Variants in C2orf68 observed in about 807,000 individuals in gnomAD.
The protein encoded by C2orf68 is UPF0561 protein C2orf68.
Under a neutral mutation model 19.1 loss-of-function variants are expected in C2orf68, and 15 were observed. That is an observed-to-expected ratio of 0.79 (90% CI 0.53 to 1.21). C2orf68 has a LOEUF of 1.21. Among genes scored for constraint, C2orf68 ranks in the 50% most tolerant of loss-of-function variants. The probability of loss-of-function intolerance (pLI) is 0.00; values close to 1 mark genes in which losing one functional copy is unlikely to be tolerated. For missense variants in C2orf68, 242 were observed against 226.6 expected (o/e 1.07, Z -0.44); for synonymous variants, 98 against 91.0 (o/e 1.08, Z -0.44).
At chr2:85,609,685 A>G in intron 2 of C2orf68, 99 bp from the exon 3 acceptor site, 2 of 1,470,002 alleles carry the variant, frequency 1.4e-6, no homozygotes, top group Non-Finnish European at 1.8e-6. Flanking sequence ...GGAAAGCCCC[A>G]GTCTTCTTTT....
Position 85,608,957 on chromosome 2 carries a change from C to T in C2orf68, c.489G>A (p.Gln163=), listed in dbSNP as rs1230014965. 7 of 1,614,238 alleles carry T rather than the reference C, an allele frequency of 4.3e-6. No homozygotes were observed. The highest frequency in any genetic ancestry group is 4.2e-6 in the Non-Finnish European group (5 of 1,180,050). ...LRIQEEIAKR[Q]SQH ...GCCTTCAACATGGTCAGTGTTGGCT[C>T]TGGCGCTTTGCAATCTCCTCCTGGA... Residue 163 remains glutamine, a synonymous_variant, in exon 4 of 4, where the codon CAG becomes CAA. Coordinates refer to ENST00000306336, the MANE Select transcript of C2orf68 (RefSeq NM_001013649.4).
In C2orf68 at chr2:85,609,495, C is replaced by G. The variant is rs1011715520; in HGVS notation, c.318G>C (p.Gln106His). 2 of 1,614,074 alleles carry G rather than the reference C, an allele frequency of 1.2e-6. No individual in the cohort carries two copies. The highest frequency in any genetic ancestry group is 1.7e-6 in the Non-Finnish European group (2 of 1,180,046). The change falls in exon 3 of 4, where the codon CAG becomes CAC. Residue 106 changes from glutamine to histidine, a missense_variant. Transcript: ENST00000306336. ...CTGCCTCGTATTCTAAGCAGAAGAGCTGATGGCCAGAAGGCTCCAGCTCAG... is the reference window on the plus strand; with the variant it reads ...CTGCCTCGTATTCTAAGCAGAAGAGGTGATGGCCAGAAGGCTCCAGCTCAG... Reference protein sequence around the residue: ...GGSELEPSGHQLFCLEYEADS... With the variant: ...GGSELEPSGHHLFCLEYEADS...
intron 2 of C2orf68, chr2:85,610,696 A>C (rs1309528743): frequency 6.6e-6 from 1 of 151,592 alleles, no homozygotes; most frequent in African/African-American, 2.4e-5. Context: ...ATGCGGGCAG[A>C]TCACCTGAGC....
chr2:85,611,081 A>T (rs542206514), intron 2 of C2orf68: 1 of 232,976 alleles, frequency 4.3e-6, no homozygotes, highest in African/African-American at 2.4e-5. Context: ...TCTCTACAAG[A>T]AATACCAAAA....
intron 2 of C2orf68, chr2:85,611,278 G>T (rs564212875): frequency 2.8e-6 from 4 of 1,411,256 alleles, no homozygotes; most frequent in African/African-American, 2.9e-5. Flanking sequence ...TAACCAGTGT[G>T]ATCTCTAGGT....
In C2orf68 at chr2:85,609,621, G is replaced by T. The variant is rs536341650; in HGVS notation, c.227-35C>A. The T allele has an allele frequency of 2.5e-6, 4 of 1,612,658 alleles. No homozygotes were observed. In the South Asian group the frequency reaches 3.3e-5, roughly 13 times the overall value. The stretch of plus-strand genomic sequence containing the variant: ...TGAACCACAGTAAGAAAGAAGAGGG[G>T]GGGTGCTGCTGAAGGCCCTGTCCAT... On this transcript the variant is annotated intron_variant, in intron 2 of 3. Coordinates refer to ENST00000306336, the MANE Select transcript of C2orf68 (RefSeq NM_001013649.4).
intron 2 of C2orf68, 67 bp from the exon 3 acceptor site, chr2:85,609,653 G>A (rs1247398380): frequency 1.3e-6 from 2 of 1,573,586 alleles, no homozygotes; most frequent in Non-Finnish European, 1.7e-6. Flanking sequence ...CCATAGAGAT[G>A]CTGCAGGAAA....
chr2:85,608,953 G>A lies in C2orf68; in HGVS notation c.493C>T (p.Gln165Ter). Residue 165 changes from glutamine to a stop codon, truncating the protein, a stop_gained, in exon 4 of 4, where the codon CAA becomes TAA. Coordinates refer to ENST00000306336, the MANE Select transcript of C2orf68 (RefSeq NM_001013649.4). LOFTEE classifies it high-confidence loss of function. Reference protein sequence around the residue: ...IQEEIAKRQSQH With the variant: ...IQEEIAKRQS ...GAACGCCTTCAACATGGTCAGTGTT[G>A]GCTCTGGCGCTTTGCAATCTCCTCC... The A allele has an allele frequency of 6.2e-7, 1 of 1,614,200 alleles. No individual in the cohort carries two copies. Among genetic ancestry groups the A allele is most frequent in the Non-Finnish European group, 8.5e-7 (1 of 1,180,028 alleles).
rs371396406 is a variant in C2orf68 at position 85,609,572 on chromosome 2, G to C, written c.241C>G (p.Pro81Ala). 2 of 1,614,180 alleles carry C rather than the reference G, an allele frequency of 1.2e-6. No homozygotes were observed. The highest frequency in any genetic ancestry group is 1.7e-6 in the Non-Finnish European group (2 of 1,180,026). Residue 81 changes from proline to alanine, a missense_variant, in exon 3 of 4, where the codon CCA becomes GCA. Physicochemically the swap from Pro to Ala is conservative, Grantham distance 27. Transcript: ENST00000306336. ...LPRHRDVSAH[P>A]RNPDYEESGE... Reference sequence around the variant, plus strand: ...GACTCTTCATAGTCTGGGTTGCGTGGGTGGGCAGAGACATCTGGAAGGATG... The same window carrying C: ...GACTCTTCATAGTCTGGGTTGCGTGCGTGGGCAGAGACATCTGGAAGGATG...
rs1454340700 is a variant in C2orf68, at chr2:85,607,684, G to A, written c.*1261C>T. 1 of 152,202 alleles carries A rather than the reference G, an allele frequency of 6.6e-6. No individual in the cohort carries two copies. Among genetic ancestry groups the A allele is most frequent in the Non-Finnish European group, 1.5e-5 (1 of 68,048 alleles). 9.4% of individuals were successfully genotyped at this position (152,202 alleles called of 1,614,324 possible). ...TCAGGTGTCTTAACACCCGGATGTG[G>A]AGAAACCCCTGGGGCAAGGGCCTAT... On this transcript the variant is annotated 3_prime_UTR_variant, in exon 4 of 4. Coordinates refer to ENST00000306336, the MANE Select transcript of C2orf68 (RefSeq NM_001013649.4).
intron 3 of C2orf68, 67 bp downstream of exon 3, chr2:85,609,368 A>G: frequency 1.3e-6 from 2 of 1,571,648 alleles, no homozygotes; most frequent in Non-Finnish European, 1.7e-6. Context: ...AACAGGGCTC[A>G]GGGTCTGACA....
chr2:85,611,559 C>G (rs1426855284), intron 2 of C2orf68, 109 bp downstream of exon 2: 3 of 1,550,916 alleles, frequency 1.9e-6, no homozygotes, highest in African/African-American at 2.7e-5. Context: ...CGGAAAGAGA[C>G]GAGATGAGCT....
chr2:85,611,996 G>C lies in C2orf68; in HGVS notation c.-12C>G. The stretch of plus-strand genomic sequence containing the variant: ...GGCCCCGCCTCCATCAGGAGCCGGG[G>C]ACGCAGAGTCGCCGCCGCCTCGACG... On this transcript the variant is annotated 5_prime_UTR_variant, in exon 1 of 4. Coordinates refer to ENST00000306336, the MANE Select transcript of C2orf68 (RefSeq NM_001013649.4). The C allele has an allele frequency of 6.6e-7, 1 of 1,513,358 alleles. No homozygotes were observed. The highest frequency in any genetic ancestry group is 8.8e-7 in the Non-Finnish European group (1 of 1,141,080). 93.7% of individuals were successfully genotyped at this position (1,513,358 alleles called of 1,614,324 possible).
intron 2 of C2orf68, chr2:85,611,309 G>A (rs998152048): frequency 2.8e-6 from 4 of 1,422,374 alleles, no homozygotes; most frequent in Non-Finnish European, 3.7e-6. Context: ...CTGGGGAAAG[G>A]CCATTTACTG....
chr2:85,611,269 A>T, intron 2 of C2orf68: 1 of 1,406,480 alleles, frequency 7.1e-7, no homozygotes, highest in Non-Finnish European at 9.2e-7. Flanking sequence ...GTCATATATT[A>T]ACCAGTGTGA....
Position 85,612,000 on chromosome 2 carries a change from C to G in C2orf68, c.-16G>C. On this transcript the variant is annotated 5_prime_UTR_variant, in exon 1 of 4. Transcript: ENST00000306336. ...CCGCCTCCATCAGGAGCCGGGGACGCAGAGTCGCCGCCGCCTCGACGGCCC... is the reference window on the plus strand; with the variant it reads ...CCGCCTCCATCAGGAGCCGGGGACGGAGAGTCGCCGCCGCCTCGACGGCCC... 6.7e-7 allele frequency: 1 copy of G among 1,503,158 alleles called. No individual in the cohort carries two copies. The highest frequency in any genetic ancestry group is 8.8e-7 in the Non-Finnish European group (1 of 1,134,902). 93.1% of individuals were successfully genotyped at this position (1,503,158 alleles called of 1,614,324 possible).
chr2:85,608,961 C>T lies in C2orf68; in HGVS notation c.485G>A (p.Arg162His), dbSNP rs376820834. ...KLRIQEEIAK[R>H]QSQH The stretch of plus-strand genomic sequence containing the variant: ...TCAACATGGTCAGTGTTGGCTCTGG[C>T]GCTTTGCAATCTCCTCCTGGATACG... The change falls in exon 4 of 4, where the codon CGC (arginine) becomes CAC (histidine). Residue 162 changes from arginine to histidine, a missense_variant. Arg to His is a conservative substitution (Grantham distance 29, BLOSUM62 0). Coordinates refer to ENST00000306336, the MANE Select transcript of C2orf68 (RefSeq NM_001013649.4). 7.4e-6 allele frequency: 12 copies of T among 1,614,068 alleles called. No individual in the cohort carries two copies. Among genetic ancestry groups the T allele is most frequent in the African/African-American group, 2.7e-5 (2 of 74,936 alleles).
Position 85,607,457 on chromosome 2 carries a change from C to G in C2orf68, c.*1488G>C, listed in dbSNP as rs189837958. On this transcript the variant is annotated 3_prime_UTR_variant, in exon 4 of 4. Coordinates refer to ENST00000306336, the MANE Select transcript of C2orf68 (RefSeq NM_001013649.4). ...GATTGGTAAGTTTAAGGCACTTAAC[C>G]TTGACCAGCTCTGTAGGTCTGGAGC... is the stretch of plus-strand genomic sequence containing the variant. 128 of 152,324 alleles carry G rather than the reference C, an allele frequency of 8.4e-4. No homozygotes were observed. Among genetic ancestry groups the G allele is most frequent in the African/African-American group, 3.0e-3 (123 of 41,578 alleles). The allele number at this position is 152,324 out of a possible 1,614,324, so 9.4% of individuals were successfully genotyped here.
chr2:85,611,334 T>G, intron 2 of C2orf68: 1 of 1,434,962 alleles, frequency 7.0e-7, no homozygotes, highest in Non-Finnish European at 9.1e-7. Context: ...CATTCCGCAA[T>G]TATGTGCTGG....
Sources: gnomAD v4.1 joint callset for allele counts on GRCh38, gnomAD v4.1.1 for gene constraint, MANE v1.5 for transcripts, NCBI Gene and HGNC (gene_info 2026-07-23, HGNC 2026-07-21) for gene names.